Variants in LAMA2 observed in about 807,000 individuals in gnomAD.
LAMA2 encodes laminin subunit alpha 2.
LAMA2 carries 269 observed loss-of-function variants against 364.8 expected under a neutral mutation model. The observed-to-expected ratio is 0.74, with a 90% CI of 0.67 to 0.82. The LOEUF (loss-of-function observed/expected upper bound fraction) is 0.82, where lower values mean the gene tolerates loss of function less well. Among genes scored for constraint, LAMA2 ranks in the 40% least tolerant of loss-of-function variants. LAMA2 has a pLI of 0.00. For missense variants in LAMA2, 3,807 were observed against 3,873.2 expected (o/e 0.98, Z 0.45); for synonymous variants, 1,379 against 1,370.6 (o/e 1.01, Z -0.14).
intron 25 of LAMA2, 43 bp from the exon 26 acceptor site, chr6:129,315,719 T>A (rs1774555472): frequency 6.2e-7 from 1 of 1,611,766 alleles, no homozygotes; most frequent in African/African-American, 1.3e-5. Context: ...TCACACCATT[T>A]GGAGATTTAT....
chr6:129,353,119 T>C (rs750774212), intron 31 of LAMA2, 45 bp from the exon 32 acceptor site: 3 of 1,463,944 alleles, frequency 2.0e-6, no homozygotes, highest in Non-Finnish European at 2.9e-6. Context: ...TGTGGAGACA[T>C]GACTTGCTAT....
At chr6:129,493,700 C>T (rs1409191914) in intron 58 of LAMA2, among the ~76,000 whole-genome samples, 1 of 152,180 alleles carries the variant, frequency 6.6e-6, no homozygotes, top group Non-Finnish European at 1.5e-5. Flanking sequence ...ATGTAATTCT[C>T]ATAACGGCTC....
intron 12 of LAMA2, among the ~76,000 whole-genome samples, chr6:129,228,722 TC>T (rs1784489599): frequency 6.6e-6 from 1 of 152,172 alleles, no homozygotes; most frequent in African/African-American, 2.4e-5. Context: ...AATTGATTAG[TC>T]CAGTAAATGT....
intron 28 of LAMA2, among the ~76,000 whole-genome samples, chr6:129,323,406 A>G (rs1424403193): frequency 1.3e-5 from 2 of 152,192 alleles, no homozygotes; most frequent in Non-Finnish European, 2.9e-5. Flanking sequence ...GTTACTGCTA[A>G]AATATAGCCA....
intron 21 of LAMA2, among the ~76,000 whole-genome samples, chr6:129,300,100 C>T (rs902372): frequency 0.78 from 118,967 of 152,028 alleles, 47,618 homozygotes; most frequent in Non-Finnish European, 0.88. Flanking sequence ...AACTTTGTAC[C>T]CTTTGAATAT....
intron 22 of LAMA2, among the ~76,000 whole-genome samples, chr6:129,302,656 G>A (rs1252993457): frequency 6.6e-6 from 1 of 151,920 alleles, no homozygotes; most frequent in African/African-American, 2.4e-5. Context: ...CTATATATCA[G>A]GTAATGGTCA....
At chr6:129,325,203 A>T (rs1207503960) in intron 28 of LAMA2, among the ~76,000 whole-genome samples, 1 of 152,232 alleles carries the variant, frequency 6.6e-6, no homozygotes, top group Non-Finnish European at 1.5e-5. Context: ...AAATAAATTA[A>T]AGATAGACGA....
intron 37 of LAMA2, among the ~76,000 whole-genome samples, chr6:129,396,192 T>C (rs1343164093): frequency 6.6e-6 from 1 of 152,190 alleles, no homozygotes; most frequent in African/African-American, 2.4e-5. Context: ...ATCTGTCAGG[T>C]ACCTACCATA....
intron 1 of LAMA2, among the ~76,000 whole-genome samples, chr6:129,031,301 A>G (rs1460367364): frequency 6.6e-6 from 1 of 152,198 alleles, no homozygotes; most frequent in Non-Finnish European, 1.5e-5. Flanking sequence ...ATACTTTTTC[A>G]TGCAACACTC....
chr6:128,960,470 C>A (rs35955704), intron 1 of LAMA2, among the ~76,000 whole-genome samples: 1 of 149,730 alleles, frequency 6.7e-6, no homozygotes, highest in African/African-American at 2.5e-5. Flanking sequence ...CCACCCCGCC[C>A]CCGCCGACCC....
intron 1 of LAMA2, among the ~76,000 whole-genome samples, chr6:128,943,664 A>G (rs552813135): frequency 5.3e-5 from 8 of 152,336 alleles, no homozygotes; most frequent in Admixed American, 2.0e-4. Flanking sequence ...TTGCTAACTT[A>G]TCAGAGAAAA....
chr6:129,165,055 G>A (rs1428400207), intron 8 of LAMA2, among the ~76,000 whole-genome samples: 2 of 151,974 alleles, frequency 1.3e-5, no homozygotes, highest in Non-Finnish European at 2.9e-5. Context: ...ATTCAGTGAG[G>A]TATATAAATA....
chr6:129,239,441 A>G (rs933068927), intron 12 of LAMA2, among the ~76,000 whole-genome samples: 15 of 152,216 alleles, frequency 9.9e-5, no homozygotes, highest in African/African-American at 3.4e-4. Flanking sequence ...GCTAATTGCT[A>G]TTCTATTACC....
chr6:129,346,453 C>T (rs369586149), intron 30 of LAMA2, among the ~76,000 whole-genome samples: 1 of 152,296 alleles, frequency 6.6e-6, no homozygotes, highest in East Asian at 1.9e-4. Flanking sequence ...TTTTACTATA[C>T]AGAATTATTT....
rs80104633 is a variant in LAMA2 at position 129,429,737 on chromosome 6, G to T, written c.5968+1883G>T. On this transcript the variant is annotated intron_variant, in intron 41 of 64. Transcript: ENST00000421865. ...CTATCTCATACCCTTGCCCAGGGCT[G>T]GGAATAGGGAGGAAGGGAGCGAGGT... 6.0e-3 allele frequency among the ~76,000 whole-genome samples: 913 copies of T among 152,294 alleles called. 8 individuals carry two copies. Among genetic ancestry groups the T allele is most frequent in the African/African-American group, 0.02 (814 of 41,550 alleles).
intron 1 of LAMA2, among the ~76,000 whole-genome samples, chr6:129,009,980 C>A (rs934478134): frequency 7.9e-5 from 12 of 152,066 alleles, no homozygotes; most frequent in African/African-American, 2.9e-4. Flanking sequence ...GTGAAGGAGA[C>A]AAAATTGATT....
intron 1 of LAMA2, among the ~76,000 whole-genome samples, chr6:129,048,529 C>T (rs1273671863): frequency 2.1e-5 from 1 of 47,788 alleles, no homozygotes. Context: ...TCCTTCCTTC[C>T]TTCCTTCCTT....
intron 13 of LAMA2, among the ~76,000 whole-genome samples, chr6:129,251,083 TATATA>T (rs1786201566): frequency 1.4e-5 from 1 of 69,748 alleles, no homozygotes; most frequent in South Asian, 4.6e-4. Context: ...TCTCTATATA[TATATA>T]TATATATATA....
At chr6:129,408,704 C>A (rs908685216) in intron 40 of LAMA2, among the ~76,000 whole-genome samples, 1 of 152,082 alleles carries the variant, frequency 6.6e-6, no homozygotes, top group Non-Finnish European at 1.5e-5. Context: ...CTGCTGCTGG[C>A]AAATTGGGCA....
Sources: allele counts gnomAD v4.1 joint callset (sites outside exome capture counted in the v4.1 genomes callset), GRCh38; gene constraint gnomAD v4.1.1; transcripts MANE v1.5; gene names NCBI Gene and HGNC (gene_info 2026-07-23, HGNC 2026-07-21).